The following ATG2B variants were observed in gnomAD, a reference collection of about 807,000 sequenced individuals.
ATG2B encodes autophagy-related protein 2 homolog B.
A neutral mutation model predicts 241.3 loss-of-function variants in ATG2B; 121 were observed. That is an observed-to-expected ratio of 0.50 (90% confidence interval 0.43 to 0.58). The LOEUF (loss-of-function observed/expected upper bound fraction) is 0.58, where lower values mean the gene tolerates loss of function less well. Ranked by LOEUF, ATG2B falls within the 20% of genes least tolerant of loss-of-function variation. The pLI is 0.00. For missense variants in ATG2B, 2,306 were observed against 2,491.6 expected (o/e 0.93, Z 1.59); for synonymous variants, 858 against 876.6 (o/e 0.98, Z 0.37).
intron 15 of ATG2B, among the ~76,000 whole-genome samples, 192 bp downstream of exon 15, chr14:96,325,457 T>C (rs933439737): frequency 2.0e-5 from 3 of 152,200 alleles, no homozygotes; most frequent in African/African-American, 7.2e-5. Flanking sequence ...ATCATCATCC[T>C]TAGTTTTTAA....
chr14:96,302,293 C>G (rs34838917), intron 33 of ATG2B, among the ~76,000 whole-genome samples, 185 bp from the exon 34 acceptor site: 4 of 152,248 alleles, frequency 2.6e-5, no homozygotes, highest in African/African-American at 9.6e-5. Context: ...CATCAATAAT[C>G]TGATTAAAGG....
chr14:96,301,596 A>G (rs1886792555), intron 34 of ATG2B, among the ~76,000 whole-genome samples: 1 of 152,160 alleles, frequency 6.6e-6, no homozygotes, highest in South Asian at 2.1e-4. Flanking sequence ...CTCTTTATGT[A>G]TACCAATTTA....
intron 6 of ATG2B, among the ~76,000 whole-genome samples, chr14:96,338,238 T>C (rs924041088): frequency 6.6e-6 from 1 of 152,074 alleles, no homozygotes; most frequent in African/African-American, 2.4e-5. Flanking sequence ...TGAACAGCTA[T>C]AGTTAGACTT....
At chr14:96,308,207 T>TAA (rs1887010199) in intron 29 of ATG2B, among the ~76,000 whole-genome samples, 1 of 126,070 alleles carries the variant, frequency 7.9e-6, no homozygotes, top group Admixed American at 8.7e-5. Flanking sequence ...TACATATATA[T>TAA]ATAAATACAT....
intron 34 of ATG2B, 125 bp from the exon 35 acceptor site, chr14:96,295,685 A>T: frequency 9.0e-6 from 5 of 556,682 alleles, no homozygotes; most frequent in African/African-American, 2.0e-5. Flanking sequence ...AATTTATTGA[A>T]TTCTTTCTCC....
In ATG2B at chr14:96,324,028, T is replaced by G. The variant is rs775928628; in HGVS notation, c.2438-30A>C. 17 of 1,454,076 alleles carry G rather than the reference T, an allele frequency of 1.2e-5. No homozygotes were observed. The African/African-American group carries it at 2.3e-4, about 20-fold the overall frequency. 90.1% of individuals were successfully genotyped at this position (1,454,076 alleles called of 1,614,324 possible). ...AAAAAAAGACTGATTTACTGAAATG[T>G]GCTTCTTCTCAAGTACTAAAAGAAG... is the stretch of plus-strand genomic sequence containing the variant. On this transcript the variant is annotated intron_variant, in intron 15 of 41. Transcript: ENST00000359933.
At chr14:96,359,188 A>G (rs1330542206) in intron 1 of ATG2B, among the ~76,000 whole-genome samples, 1 of 152,124 alleles carries the variant, frequency 6.6e-6, no homozygotes, top group African/African-American at 2.4e-5. Flanking sequence ...CCTGGGCAAC[A>G]TGGCGAAATC....
intron 28 of ATG2B, 59 bp from the exon 29 acceptor site, chr14:96,309,653 T>TA: frequency 6.8e-7 from 1 of 1,477,446 alleles, no homozygotes; most frequent in Non-Finnish European, 9.2e-7. Context: ...CCAAACTACT[T>TA]ACATTTATTT....
At chr14:96,292,980 T>C (rs1412764422) in intron 36 of ATG2B, 3 of 152,254 alleles carry the variant, frequency 2.0e-5, no homozygotes, top group Non-Finnish European at 4.4e-5. Context: ...AAATCATTTT[T>C]GTATTTTTAA....
At chr14:96,299,864 TACTC>T (rs1316541099) in intron 34 of ATG2B, among the ~76,000 whole-genome samples, 2 of 152,210 alleles carry the variant, frequency 1.3e-5, no homozygotes, top group African/African-American at 4.8e-5. Flanking sequence ...AGAAAAATAA[TACTC>T]AAAGCATTAT....
At chr14:96,352,778 GTTAAC>G (rs1888364105) in intron 1 of ATG2B, among the ~76,000 whole-genome samples, 1 of 151,360 alleles carries the variant, frequency 6.6e-6, no homozygotes, top group Non-Finnish European at 1.5e-5. Context: ...GTAACCTCAG[GTTAAC>G]TTATTATTGA....
chr14:96,359,242 T>C (rs529785163), intron 1 of ATG2B, among the ~76,000 whole-genome samples: 1 of 151,922 alleles, frequency 6.6e-6, no homozygotes, highest in African/African-American at 2.4e-5. Flanking sequence ...TGTGGTGGCA[T>C]GCACCTGTAG....
intron 28 of ATG2B, among the ~76,000 whole-genome samples, chr14:96,309,822 G>A (rs1432398850): frequency 1.3e-5 from 2 of 152,182 alleles, no homozygotes; most frequent in Admixed American, 1.3e-4. Context: ...AGCAAGCACA[G>A]TGAACTGGGA....
intron 8 of ATG2B, among the ~76,000 whole-genome samples, chr14:96,332,873 T>G (rs577422816): frequency 6.6e-6 from 1 of 152,290 alleles, no homozygotes; most frequent in South Asian, 2.1e-4. Context: ...GAAGCTACCC[T>G]ACTGATGAAC....
intron 8 of ATG2B, 33 bp from the exon 9 acceptor site, chr14:96,332,688 TA>T (rs766644894): frequency 7.4e-6 from 11 of 1,488,242 alleles, no homozygotes; most frequent in Non-Finnish European, 9.8e-6. Context: ...ACTTGTATTA[TA>T]ATCCCACCAA....
Position 96,341,616 on chromosome 14 carries a change from A to C in ATG2B, c.830T>G (p.Ile277Arg). 1 of 1,604,268 alleles carries C rather than the reference A, an allele frequency of 6.2e-7. No homozygotes were observed. Among genetic ancestry groups the C allele is most frequent in the Non-Finnish European group, 8.5e-7 (1 of 1,174,094 alleles). The change falls in exon 6 of 42, where the codon ATA becomes AGA. Residue 277 changes from isoleucine (I) to arginine (R), a missense_variant. By Grantham distance (97) the Ile-to-Arg change is moderately conservative (BLOSUM62 -3). Coordinates refer to ENST00000359933, the MANE Select transcript of ATG2B (RefSeq NM_018036.7). Reference protein sequence around the residue: ...HPQLTRNLPEIAPSDPVQIGR... With the variant: ...HPQLTRNLPERAPSDPVQIGR... ...AATCTGCACTGGGTCAGAAGGTGCT[A>C]TCTCTGGTAAATTTCTAGTTAGCTG...
At position 96,313,333 on chromosome 14, in the gene ATG2B, A is replaced by G; in HGVS notation, c.3745T>C (p.Tyr1249His). The change falls in exon 24 of 42, where the codon TAT becomes CAT. Residue 1249 changes from tyrosine to histidine, a missense_variant. This residue lies in a region of ATG2B where 1,927 missense variants were observed against 2,011.2 expected (regional missense o/e 0.96). Transcript: ENST00000359933. ...HVHLWSCALDYRPLYLPIRSL... is the reference protein window; with the variant it reads ...HVHLWSCALDHRPLYLPIRSL... ...TTGTTCCATTTGTGAACTTACCTAT[A>G]ATCAAGTGCACAGCTCCAAAGATGA... 6.3e-7 allele frequency: 1 copy of G among 1,575,372 alleles called. No homozygotes were observed. The highest frequency in any genetic ancestry group is 8.6e-7 in the Non-Finnish European group (1 of 1,164,956).
intron 1 of ATG2B, among the ~76,000 whole-genome samples, chr14:96,349,338 G>A (rs995759413): frequency 6.6e-6 from 1 of 152,242 alleles, no homozygotes; most frequent in Non-Finnish European, 1.5e-5. Context: ...AGGATCCAAA[G>A]AGCCTTGTAA....
At chr14:96,299,404 T>C (rs1227525816) in intron 34 of ATG2B, among the ~76,000 whole-genome samples, 1 of 152,198 alleles carries the variant, frequency 6.6e-6, no homozygotes, top group Admixed American at 6.5e-5. Context: ...ATTAAAACTA[T>C]CTCTTTTATG....
Sources: allele counts gnomAD v4.1 joint callset (sites outside exome capture counted in the v4.1 genomes callset), GRCh38; gene constraint gnomAD v4.1.1; regional missense constraint gnomAD v4.1.1; transcripts MANE v1.5; gene names NCBI Gene and HGNC (gene_info 2026-07-23, HGNC 2026-07-21).